SLC17A5: variants seen among roughly 807,000 people sequenced by gnomAD.
The protein encoded by SLC17A5 is solute carrier family 17 member 5, also known as sialin.
A neutral mutation model predicts 59.4 loss-of-function variants in SLC17A5; 47 were observed. The observed-to-expected ratio is 0.79, with a 90% confidence interval of 0.63 to 1.01. SLC17A5 has a LOEUF of 1.01. Ranked by LOEUF, SLC17A5 falls within the 50% of genes least tolerant of loss-of-function variation. The pLI is 0.00. For synonymous variants in SLC17A5, 202 were observed against 210.7 expected (o/e 0.96, Z 0.36); for missense variants, 522 against 595.5 (o/e 0.88, Z 1.28).
At chr6:73,613,007 T>C (rs1192251908) in intron 8 of SLC17A5, among the ~76,000 whole-genome samples, 1 of 151,306 alleles carries the variant, frequency 6.6e-6, no homozygotes, top group Non-Finnish European at 1.5e-5. Context: ...GAGCCATGGT[T>C]GTCCATCCTG....
intron 8 of SLC17A5, among the ~76,000 whole-genome samples, chr6:73,614,114 A>C (rs1767746576): frequency 6.6e-6 from 1 of 152,118 alleles, no homozygotes; most frequent in Non-Finnish European, 1.5e-5. Flanking sequence ...AAAAATTAAA[A>C]AATTAGCTGG....
chr6:73,612,054 C>T (rs1767659375), intron 8 of SLC17A5, among the ~76,000 whole-genome samples: 2 of 151,894 alleles, frequency 1.3e-5, no homozygotes, highest in African/African-American at 4.8e-5. Context: ...ATTCTGTTAC[C>T]CAGGCTGGAG....
At chr6:73,647,959 C>T (rs1290332000) in intron 1 of SLC17A5, among the ~76,000 whole-genome samples, 4 of 152,090 alleles carry the variant, frequency 2.6e-5, no homozygotes, top group Non-Finnish European at 5.9e-5. Context: ...ATCCCAGCTA[C>T]TCGGGAGGTT....
intron 9 of SLC17A5, among the ~76,000 whole-genome samples, chr6:73,601,103 C>T (rs1471930397): frequency 6.8e-6 from 1 of 147,936 alleles, no homozygotes; most frequent in Non-Finnish European, 1.5e-5. Context: ...GTGAGGAGCG[C>T]CTCTTCCCGG....
intron 9 of SLC17A5, among the ~76,000 whole-genome samples, chr6:73,606,318 C>T (rs1438712494): frequency 6.6e-6 from 1 of 152,152 alleles, no homozygotes; most frequent in African/African-American, 2.4e-5. Context: ...GCTGGGATTA[C>T]AGGCATGAGC....
intron 8 of SLC17A5, among the ~76,000 whole-genome samples, chr6:73,614,534 T>C (rs960353381): frequency 2.6e-5 from 4 of 152,196 alleles, no homozygotes; most frequent in African/African-American, 7.2e-5. Flanking sequence ...AATGAGACAA[T>C]TGGTGGCTGG....
chr6:73,610,600 C>T (rs1008676269), intron 8 of SLC17A5, 53 bp from the exon 9 acceptor site: 10 of 1,592,572 alleles, frequency 6.3e-6, no homozygotes, highest in Non-Finnish European at 8.6e-6. Context: ...AATATTTGCT[C>T]TACCTTAATA....
intron 7 of SLC17A5, among the ~76,000 whole-genome samples, chr6:73,617,134 A>G (rs537022171): frequency 5.3e-5 from 8 of 151,988 alleles, no homozygotes; most frequent in Non-Finnish European, 1.2e-4. Context: ...TACTAAAAAT[A>G]CAAAAAATTA....
chr6:73,650,532 G>C lies in SLC17A5; in HGVS notation c.94+3261C>G, dbSNP rs375317789. On this transcript the variant is annotated intron_variant, in intron 1 of 10. Coordinates refer to ENST00000355773, the MANE Select transcript of SLC17A5 (RefSeq NM_012434.5). ...CAAAAAAAAAAAAAAAAAAAAAAAA[G>C]AAAAAGAAAAAAATTAGCCAGGTGT... Among the ~76,000 whole-genome samples, 5 of 126,402 alleles carry C rather than the reference G, an allele frequency of 4.0e-5. No homozygotes were observed. In the East Asian group the frequency reaches 1.1e-3, roughly 29 times the overall value. 82.9% of individuals were successfully genotyped at this position (126,402 alleles called of 152,430 possible). A position where few individuals can be genotyped will look rare whatever the true frequency, so the allele number is the denominator to read the frequency against.
intron 6 of SLC17A5, among the ~76,000 whole-genome samples, chr6:73,630,694 G>C (rs893755000): frequency 6.6e-6 from 1 of 152,014 alleles, no homozygotes; most frequent in Non-Finnish European, 1.5e-5. Flanking sequence ...ACATTTCCTA[G>C]AAGGTGTCAC....
At chr6:73,637,182 A>G (rs1769053929) in intron 4 of SLC17A5, among the ~76,000 whole-genome samples, 1 of 152,204 alleles carries the variant, frequency 6.6e-6, no homozygotes, top group South Asian at 2.1e-4. Flanking sequence ...GTAGTAAAGC[A>G]GAGAGTAGGC....
At chr6:73,626,928 T>C (rs1432518805) in intron 6 of SLC17A5, among the ~76,000 whole-genome samples, 1 of 151,992 alleles carries the variant, frequency 6.6e-6, no homozygotes, top group African/African-American at 2.4e-5. Context: ...CTCACTGTCA[T>C]GCCTGGCTAA....
At chr6:73,648,120 T>C (rs555716846) in intron 1 of SLC17A5, among the ~76,000 whole-genome samples, 16 of 152,190 alleles carry the variant, frequency 1.1e-4, no homozygotes, top group Non-Finnish European at 2.1e-4. Context: ...AGTATATTAC[T>C]ATGAGATTCT....
chr6:73,601,458 G>C (rs1442353899), intron 9 of SLC17A5, among the ~76,000 whole-genome samples: 2 of 130,824 alleles, frequency 1.5e-5, no homozygotes, highest in African/African-American at 5.7e-5. Context: ...CCGGGAGGGA[G>C]GTGGGGGGGT....
chr6:73,621,729 T>C, intron 7 of SLC17A5, 75 bp downstream of exon 7: 1 of 1,218,566 alleles, frequency 8.2e-7, no homozygotes. Flanking sequence ...TAACTGAATT[T>C]TATACAGATG....
At chr6:73,650,681 T>C (rs1195506070) in intron 1 of SLC17A5, among the ~76,000 whole-genome samples, 2 of 144,844 alleles carry the variant, frequency 1.4e-5, no homozygotes, top group African/African-American at 5.1e-5. Flanking sequence ...GGCAACAGAG[T>C]GAGATCCTGA....
intron 6 of SLC17A5, among the ~76,000 whole-genome samples, chr6:73,628,230 T>TAC (rs1301622695): frequency 6.6e-6 from 1 of 152,188 alleles, no homozygotes; most frequent in East Asian, 1.9e-4. Flanking sequence ...TGAAAGTTCC[T>TAC]ATTAGAGGGC....
chr6:73,620,951 C>T (rs1478202936), intron 7 of SLC17A5, among the ~76,000 whole-genome samples: 1 of 151,840 alleles, frequency 6.6e-6, no homozygotes, highest in Non-Finnish European at 1.5e-5. Context: ...TTATCGAACT[C>T]CTGGGCTCAA....
chr6:73,643,637 C>A (rs1769403529), intron 2 of SLC17A5, among the ~76,000 whole-genome samples: 1 of 151,960 alleles, frequency 6.6e-6, no homozygotes, highest in Admixed American at 6.6e-5. Context: ...CTACCACGCC[C>A]AGCTAATTTT....
Sources: allele counts gnomAD v4.1 joint callset (sites outside exome capture counted in the v4.1 genomes callset), GRCh38; gene constraint gnomAD v4.1.1; transcripts MANE v1.5; gene names NCBI Gene and HGNC (gene_info 2026-07-23, HGNC 2026-07-21).